Variants in FGGY observed in about 807,000 individuals in gnomAD.
FGGY encodes FGGY carbohydrate kinase domain-containing protein.
Under a neutral mutation model 71.3 loss-of-function variants are expected in FGGY, and 72 were observed. That is an observed-to-expected ratio of 1.01 (90% CI 0.84 to 1.23). The LOEUF (loss-of-function observed/expected upper bound fraction) is 1.23. FGGY is among the 50% of genes most tolerant of loss of function. FGGY has a pLI of 0.00. For synonymous variants in FGGY, 251 were observed against 250.3 expected (o/e 1.00, Z -0.02); for missense variants, 668 against 682.3 (o/e 0.98, Z 0.23).
chr1:59,303,275 C>T (rs2043032442), intron 1 of FGGY, among the ~76,000 whole-genome samples: 1 of 152,178 alleles, frequency 6.6e-6, no homozygotes, highest in Admixed American at 6.5e-5. Flanking sequence ...CCCATTTCCT[C>T]AATCCCTGGT....
intron 5 of FGGY, among the ~76,000 whole-genome samples, chr1:59,425,034 G>C (rs2066104738): frequency 2.6e-5 from 4 of 152,150 alleles, no homozygotes; most frequent in Admixed American, 6.5e-5. Flanking sequence ...ATGTGATCTT[G>C]AGATCTCTGA....
chr1:59,747,297 T>A (rs757639908), intron 14 of FGGY, among the ~76,000 whole-genome samples: 4 of 152,190 alleles, frequency 2.6e-5, no homozygotes, highest in African/African-American at 4.8e-5. Context: ...TGGATCCAAC[T>A]CTTTTGCAGC....
chr1:59,585,076 T>C (rs372497540), intron 8 of FGGY, among the ~76,000 whole-genome samples: 1 of 152,062 alleles, frequency 6.6e-6, no homozygotes, highest in Non-Finnish European at 1.5e-5. Flanking sequence ...ATCAATATCA[T>C]GAAAATGGCC....
rs367976800 is a variant in FGGY, at chr1:59,762,718, T to C, written c.*134T>C. 1.1e-5 allele frequency: 7 copies of C among 657,400 alleles called. No individual in the cohort carries two copies. In the South Asian group the frequency reaches 1.4e-4, roughly 13 times the overall value. The allele number at this position is 657,400 out of a possible 1,614,324, so 40.7% of individuals were successfully genotyped here. ...TGTCTTTCAATAAAGAAAACAAACA[T>C]GTGCAACCAGAATTAGAGTCTTCAT... On this transcript the variant is annotated 3_prime_UTR_variant, in exon 16 of 16. Transcript: ENST00000303721.
At position 59,607,810 on chromosome 1, in the gene FGGY, A is replaced by G. The variant is rs191411790; in HGVS notation, c.911A>G (p.Lys304Arg). 19 of 1,613,850 alleles carry G rather than the reference A, an allele frequency of 1.2e-5. No individual in the cohort carries two copies. The highest frequency in any genetic ancestry group is 1.2e-4 in the Admixed American group (7 of 60,010). Residue 304 changes from lysine (K) to arginine (R), a missense_variant, in exon 9 of 16, where the codon AAA becomes AGA. Coordinates refer to ENST00000303721, the MANE Select transcript of FGGY (RefSeq NM_018291.5). The part of the protein sequence containing the change: ...GTSSCHMGIS[K>R]DPIFVPGVWG... ...TTCCATCTTTCTTTCCAGATCAGCA[A>G]AGACCCGATTTTTGTACCAGGCGTC... is the stretch of plus-strand genomic sequence containing the variant.
At chr1:59,516,807 C>A (rs1266916404) in intron 7 of FGGY, among the ~76,000 whole-genome samples, 2 of 152,164 alleles carry the variant, frequency 1.3e-5, no homozygotes, top group Non-Finnish European at 2.9e-5. Flanking sequence ...GCTGACCTGG[C>A]ATGGCCTGCT....
At chr1:59,688,726 A>G (rs144334688) in intron 14 of FGGY, among the ~76,000 whole-genome samples, 36 of 150,112 alleles carry the variant, frequency 2.4e-4, no homozygotes, top group African/African-American at 8.9e-4. Context: ...GACCATATGT[A>G]GTATAAGACC....
Position 59,757,403 on chromosome 1 carries a change from G to A in FGGY, c.1513-528G>A, listed in dbSNP as rs1010571416. Among the ~76,000 whole-genome samples the A allele has an allele frequency of 3.3e-5, 5 of 152,166 alleles. 1 individual carries two copies. The highest frequency in any genetic ancestry group is 7.2e-5 in the African/African-American group (3 of 41,448). ...AACTCAAGTCACTTAGACTCAGCCC[G>A]GAGGTCTCAGTATGTACTCACAACT... On this transcript the variant is annotated intron_variant, in intron 14 of 15. Transcript: ENST00000303721.
At chr1:59,503,969 C>G (rs549898982) in intron 6 of FGGY, among the ~76,000 whole-genome samples, 2 of 152,076 alleles carry the variant, frequency 1.3e-5, no homozygotes, top group African/African-American at 4.8e-5. Flanking sequence ...GCCCCATAGC[C>G]TAGTGGAAAG....
intron 14 of FGGY, among the ~76,000 whole-genome samples, chr1:59,694,266 G>GC (rs1432940212): frequency 6.6e-6 from 1 of 151,488 alleles, no homozygotes; most frequent in African/African-American, 2.4e-5. Flanking sequence ...TCCAGCCTGG[G>GC]CGACAAAGCA....
chr1:59,371,076 T>G (rs2057535627), intron 4 of FGGY, among the ~76,000 whole-genome samples: 1 of 151,888 alleles, frequency 6.6e-6, no homozygotes, highest in Admixed American at 6.6e-5. Context: ...TAAATGTAAA[T>G]GGACTAAGTG....
intron 9 of FGGY, 85 bp from the exon 10 acceptor site, chr1:59,625,903 C>T: frequency 1.9e-6 from 2 of 1,029,018 alleles, no homozygotes; most frequent in Non-Finnish European, 2.8e-6. Flanking sequence ...TTGAAAGAAA[C>T]ATATACTCAT....
chr1:59,458,948 T>G (rs529294766), intron 6 of FGGY, among the ~76,000 whole-genome samples: 1 of 152,196 alleles, frequency 6.6e-6, no homozygotes, highest in Non-Finnish European at 1.5e-5. Flanking sequence ...GAAAGATGAA[T>G]CTCAGAAGCC....
At position 59,339,985 on chromosome 1, in the gene FGGY, C is replaced by T. The variant is rs1295183222; in HGVS notation, c.229C>T (p.Gln77Ter). The T allele has an allele frequency of 6.2e-7, 1 of 1,612,636 alleles. No individual in the cohort carries two copies. The highest frequency in any genetic ancestry group is 8.5e-7 in the Non-Finnish European group (1 of 1,179,342). Residue 77 changes from glutamine to a stop codon, truncating the protein, a stop_gained, in exon 3 of 16, where the codon CAA becomes TAA. Transcript: ENST00000303721. LOFTEE classifies it high-confidence loss of function. ...KKVVQGIDLN[Q>*]IRGLGFDATC... ...AGTTGTACAAGGGATTGATTTAAAC[C>T]AAATTCGAGGACTTGGGTTTGATGC...
chr1:59,591,562 A>G (rs2096438595), intron 8 of FGGY, among the ~76,000 whole-genome samples: 1 of 152,202 alleles, frequency 6.6e-6, no homozygotes. Flanking sequence ...CAGTAACCAA[A>G]AGAGCATGGT....
At chr1:59,395,952 G>A (rs557033585) in intron 5 of FGGY, among the ~76,000 whole-genome samples, 11 of 152,234 alleles carry the variant, frequency 7.2e-5, no homozygotes, top group Non-Finnish European at 1.2e-4. Context: ...TTTCTCTAAT[G>A]TAAAGAGTTC....
At chr1:59,367,871 A>G (rs978921551) in intron 4 of FGGY, among the ~76,000 whole-genome samples, 4 of 152,084 alleles carry the variant, frequency 2.6e-5, no homozygotes, top group South Asian at 2.1e-4. Flanking sequence ...CCTCCTCCCA[A>G]CAAATGCTGT....
intron 7 of FGGY, among the ~76,000 whole-genome samples, chr1:59,532,193 C>T (rs2095164907): frequency 6.6e-6 from 1 of 152,072 alleles, no homozygotes; most frequent in Non-Finnish European, 1.5e-5. Flanking sequence ...AGAATTGAAA[C>T]TAATAACTGA....
intron 2 of FGGY, 66 bp from the exon 3 acceptor site, chr1:59,339,892 G>A (rs745967979): frequency 2.5e-4 from 230 of 914,468 alleles, no homozygotes; most frequent in Non-Finnish European, 3.7e-4. Context: ...CCTTCTAGTT[G>A]TAACTGTTTT....
Sources: allele counts gnomAD v4.1 joint callset (sites outside exome capture counted in the v4.1 genomes callset), GRCh38; gene constraint gnomAD v4.1.1; transcripts MANE v1.5; gene names NCBI Gene and HGNC (gene_info 2026-07-23, HGNC 2026-07-21).